WRN: variants seen among roughly 807,000 people sequenced by gnomAD.
The protein encoded by WRN is WRN RecQ like helicase.
Under a neutral mutation model 180.7 loss-of-function variants are expected in WRN, and 149 were observed. That is an observed-to-expected ratio of 0.82 (90% confidence interval 0.72 to 0.94). WRN has a LOEUF of 0.94. Among genes scored for constraint, WRN ranks in the 40% least tolerant of loss-of-function variants. The pLI is 0.00. For synonymous variants in WRN, 548 were observed against 568.9 expected, an observed-to-expected ratio of 0.96 and a Z score of 0.52; for missense variants, 1,661 against 1,700.1, an observed-to-expected ratio of 0.98 and a Z score of 0.40.
intron 21 of WRN, among the ~76,000 whole-genome samples, chr8:31,123,266 C>T (rs754451299): frequency 3.9e-5 from 6 of 151,982 alleles, no homozygotes; most frequent in Admixed American, 2.0e-4. Flanking sequence ...TTAAGAATGA[C>T]CCCAAAGCAC....
chr8:31,058,850 T>G (rs1164628674), intron 2 of WRN, among the ~76,000 whole-genome samples: 1 of 152,214 alleles, frequency 6.6e-6, no homozygotes, highest in Non-Finnish European at 1.5e-5. Context: ...TTCAGCATTT[T>G]AAGGCAACAT....
chr8:31,052,742 G>A (rs531752591), intron 1 of WRN, among the ~76,000 whole-genome samples: 13 of 152,164 alleles, frequency 8.5e-5, no homozygotes, highest in African/African-American at 3.1e-4. Flanking sequence ...TTTAATGACT[G>A]TGTAGTGTTC....
intron 5 of WRN, among the ~76,000 whole-genome samples, chr8:31,066,388 G>A (rs562653041): frequency 3.3e-5 from 5 of 151,516 alleles, no homozygotes; most frequent in South Asian, 2.1e-4. Flanking sequence ...AGGTTTCACC[G>A]TGTTAGCCAG....
At chr8:31,043,546 C>G (rs1811734769) in intron 1 of WRN, among the ~76,000 whole-genome samples, 1 of 152,114 alleles carries the variant, frequency 6.6e-6, no homozygotes, top group Admixed American at 6.5e-5. Context: ...TTATCGTCTT[C>G]TTTCTTAGTG....
At chr8:31,165,661 C>T (rs1187766607) in intron 33 of WRN, among the ~76,000 whole-genome samples, 3 of 152,044 alleles carry the variant, frequency 2.0e-5, no homozygotes, top group Non-Finnish European at 4.4e-5. Flanking sequence ...ACTGGAAATA[C>T]TTGATCTGTG....
intron 15 of WRN, among the ~76,000 whole-genome samples, chr8:31,091,284 A>G (rs1813739348): frequency 6.6e-6 from 1 of 152,130 alleles, no homozygotes; most frequent in Non-Finnish European, 1.5e-5. Flanking sequence ...TTTTTTATCT[A>G]TGAAACACTT....
At chr8:31,152,917 C>T (rs1042915230) in intron 31 of WRN, among the ~76,000 whole-genome samples, 1 of 152,092 alleles carries the variant, frequency 6.6e-6, no homozygotes. Context: ...GTGGTGCTAG[C>T]CTGTAATCCC....
chr8:31,157,516 C>G lies in WRN; in HGVS notation c.3968C>G (p.Pro1323Arg), dbSNP rs1803434996. 6.2e-7 allele frequency: 1 copy of G among 1,614,008 alleles called. No individual in the cohort carries two copies. The highest frequency in any genetic ancestry group is 1.3e-5 in the African/African-American group (1 of 74,914). The change falls in exon 33 of 35, where the codon CCT becomes CGT. Residue 1323 changes from proline to arginine, a missense_variant. This residue lies in a region of WRN where 1,141 missense variants were observed against 1,149.4 expected (regional missense o/e 0.99). Transcript: ENST00000298139. The part of the protein sequence containing the change: ...QKIIADVIRN[P>R]PVNSDMSKIS... ...ATTATTGCTGATGTTATCCGAAACC[C>G]TCCCGTCAACTCAGGTGAGAGGCAT...
intron 1 of WRN, among the ~76,000 whole-genome samples, chr8:31,050,126 A>G (rs1363655985): frequency 6.6e-6 from 1 of 152,166 alleles, no homozygotes; most frequent in African/African-American, 2.4e-5. Context: ...GAACGAACAC[A>G]TGTCATATGT....
intron 18 of WRN, among the ~76,000 whole-genome samples, chr8:31,105,976 C>G (rs1438925301): frequency 1.3e-5 from 2 of 152,184 alleles, no homozygotes; most frequent in African/African-American, 2.4e-5. Context: ...CAACATGCCT[C>G]TGGTGAGATG....
chr8:31,049,197 C>T (rs1246186927), intron 1 of WRN, among the ~76,000 whole-genome samples: 38 of 100,288 alleles, frequency 3.8e-4, no homozygotes, highest in Middle Eastern at 0.014. Context: ...GGCGACAGTG[C>T]GAGACTCTGT....
chr8:31,102,980 TC>T (rs1402985530), intron 18 of WRN, among the ~76,000 whole-genome samples: 2 of 152,138 alleles, frequency 1.3e-5, no homozygotes, highest in Admixed American at 1.3e-4. Flanking sequence ...ATTAATGCAT[TC>T]CATAAGGCTT....
At chr8:31,054,441 C>A (rs1444995185) in intron 1 of WRN, among the ~76,000 whole-genome samples, 2 of 152,050 alleles carry the variant, frequency 1.3e-5, no homozygotes, top group Admixed American at 1.3e-4. Context: ...CCAAGTTAGT[C>A]TTGAACTCCT....
chr8:31,060,993 G>A (rs1049115358), intron 3 of WRN, among the ~76,000 whole-genome samples: 6 of 152,102 alleles, frequency 3.9e-5, no homozygotes, highest in African/African-American at 1.4e-4. Context: ...TTTTTGATCT[G>A]TGTGGGCTTA....
intron 16 of WRN, among the ~76,000 whole-genome samples, chr8:31,092,896 G>C (rs1282559717): frequency 6.6e-6 from 1 of 152,034 alleles, no homozygotes; most frequent in East Asian, 1.9e-4. Flanking sequence ...ATGTTTCTGA[G>C]ATTCTTTCAT....
Position 31,144,579 on chromosome 8 carries a change from C to T in WRN, c.3383+956C>T, listed in dbSNP as rs571811159. ...CTTGAACTCCTGAACTCAGGTGATC[C>T]GCCTGCCTTGGCCTCCCAAAGTGCT... On this transcript the variant is annotated intron_variant, in intron 28 of 34. Coordinates refer to ENST00000298139, the MANE Select transcript of WRN (RefSeq NM_000553.6). Among the ~76,000 whole-genome samples the T allele has an allele frequency of 2.6e-5, 4 of 152,178 alleles. No individual in the cohort carries two copies. In the South Asian group the frequency reaches 6.2e-4, roughly 24 times the overall value.
At chr8:31,106,350 C>T (rs949343203) in intron 18 of WRN, among the ~76,000 whole-genome samples, 6 of 151,954 alleles carry the variant, frequency 3.9e-5, no homozygotes, top group African/African-American at 9.7e-5. Flanking sequence ...ATCATGTCTT[C>T]GGCTCAGAAC....
intron 8 of WRN, among the ~76,000 whole-genome samples, chr8:31,078,856 G>A (rs1053928152): frequency 7.2e-5 from 11 of 152,176 alleles, no homozygotes; most frequent in African/African-American, 2.4e-4. Flanking sequence ...ATTTGTTAGA[G>A]TAAATATTAG....
intron 24 of WRN, among the ~76,000 whole-genome samples, chr8:31,136,836 C>CGAATGAATGAAT (rs60617461): frequency 4.7e-4 from 71 of 149,558 alleles, no homozygotes; most frequent in African/African-American, 1.3e-3. Context: ...TACCCTGTCT[C>CGAATGAATGAAT]GAATGAATGA....
Sources: allele counts gnomAD v4.1 joint callset (sites outside exome capture counted in the v4.1 genomes callset), GRCh38; gene constraint gnomAD v4.1.1; regional missense constraint gnomAD v4.1.1; transcripts MANE v1.5; gene names NCBI Gene and HGNC (gene_info 2026-07-23, HGNC 2026-07-21).